The following TENM2 variants were observed in gnomAD, a reference collection of about 807,000 sequenced individuals.
TENM2 encodes teneurin-2.
Under a neutral mutation model 245.2 loss-of-function variants are expected in TENM2, and 52 were observed. The observed-to-expected ratio is 0.21, with a 90% CI of 0.17 to 0.27. The LOEUF (loss-of-function observed/expected upper bound fraction) is 0.27. Ranked by LOEUF, TENM2 falls within the 10% of genes least tolerant of loss-of-function variation. The pLI is 1.00. For missense variants in TENM2, 3,046 were observed against 3,666.8 expected (o/e 0.83, Z 4.37); for synonymous variants, 1,363 against 1,438.9 (o/e 0.95, Z 1.19).
chr5:167,880,997 C>T (rs78640810), intron 3 of TENM2, among the ~76,000 whole-genome samples: 2,402 of 152,278 alleles, frequency 0.016, 59 homozygotes, highest in African/African-American at 0.053. Flanking sequence ...GAATTGACAT[C>T]CTCTCATGAA....
chr5:167,177,297 A>G, the TENM2 span, among the ~76,000 whole-genome samples: 243 of 152,342 alleles, frequency 1.6e-3, no homozygotes, highest in African/African-American at 5.4e-3. Flanking sequence ...TTAGACTACA[A>G]GACAGTCACC....
At chr5:167,391,515 C>G (rs1761749565) in intron 2 of TENM2, among the ~76,000 whole-genome samples, 1 of 150,898 alleles carries the variant, frequency 6.6e-6, no homozygotes, top group Non-Finnish European at 1.5e-5. Context: ...ATCACAGCTA[C>G]TCGAGTGGCT....
At chr5:168,048,375 C>T (rs771835218) in intron 6 of TENM2, among the ~76,000 whole-genome samples, 1 of 152,136 alleles carries the variant, frequency 6.6e-6, no homozygotes, top group Non-Finnish European at 1.5e-5. Flanking sequence ...ATGCAAATTT[C>T]CATTCTGCCT....
Position 168,178,241 on chromosome 5 carries a change from C to A in TENM2, c.2570-12096C>A, listed in dbSNP as rs1172364209. On this transcript the variant is annotated intron_variant, in intron 13 of 28. Coordinates refer to ENST00000518659, the Ensembl canonical transcript of TENM2. Reference sequence around the variant, plus strand: ...ACTGTCTGGCACCAGGCTGCCACCCCCTGCCGGGCCTCGGCTGCACTGGCC... The same window carrying A: ...ACTGTCTGGCACCAGGCTGCCACCCACTGCCGGGCCTCGGCTGCACTGGCC... Among the ~76,000 whole-genome samples, 5 of 152,218 alleles carry A rather than the reference C, an allele frequency of 3.3e-5. No homozygotes were observed. In the South Asian group the frequency reaches 8.3e-4, roughly 25 times the overall value.
the TENM2 span, among the ~76,000 whole-genome samples, chr5:166,994,701 A>G: frequency 1.3e-5 from 2 of 152,180 alleles, no homozygotes; most frequent in Non-Finnish European, 2.9e-5. Context: ...TACTCTAGGA[A>G]CTGAACATCA....
At chr5:167,647,783 G>C (rs528236583) in intron 2 of TENM2, among the ~76,000 whole-genome samples, 1 of 152,226 alleles carries the variant, frequency 6.6e-6, no homozygotes, top group African/African-American at 2.4e-5. Flanking sequence ...TCTGTAGGAG[G>C]TGCTTGTAAG....
chr5:167,582,278 C>A (rs933511476), intron 2 of TENM2, among the ~76,000 whole-genome samples: 9 of 152,104 alleles, frequency 5.9e-5, no homozygotes, highest in African/African-American at 2.2e-4. Flanking sequence ...TAAACATGCA[C>A]AAATAATGTT....
At chr5:167,156,819 G>A in the TENM2 span, among the ~76,000 whole-genome samples, 1 of 152,170 alleles carries the variant, frequency 6.6e-6, no homozygotes, top group Non-Finnish European at 1.5e-5. Context: ...ACTACCAGAA[G>A]TTTGAGTCCA....
the TENM2 span, among the ~76,000 whole-genome samples, chr5:167,149,747 C>G: frequency 6.6e-6 from 1 of 152,302 alleles, no homozygotes; most frequent in African/African-American, 2.4e-5. Flanking sequence ...TCTTCCTTAT[C>G]TCTCCTTCCA....
intron 2 of TENM2, among the ~76,000 whole-genome samples, chr5:167,567,663 T>A (rs1161058469): frequency 6.6e-6 from 1 of 152,124 alleles, no homozygotes; most frequent in Non-Finnish European, 1.5e-5. Context: ...TGACACCAAC[T>A]TGAACACTGG....
chr5:167,735,032 A>G (rs1192294559), intron 2 of TENM2, among the ~76,000 whole-genome samples: 1 of 152,226 alleles, frequency 6.6e-6, no homozygotes, highest in East Asian at 1.9e-4. Flanking sequence ...AACCAGATGC[A>G]TCCATTGTGA....
intron 2 of TENM2, among the ~76,000 whole-genome samples, chr5:167,586,576 T>C (rs1310970509): frequency 6.6e-6 from 1 of 152,254 alleles, no homozygotes; most frequent in African/African-American, 2.4e-5. Context: ...GGGTGTCCTG[T>C]TGAATCCACT....
chr5:167,974,027 GGAA>G (rs1351651523), intron 4 of TENM2, among the ~76,000 whole-genome samples: 1 of 74,854 alleles, frequency 1.3e-5, no homozygotes, highest in Non-Finnish European at 2.2e-5. Flanking sequence ...GAGGGAGGAA[GGAA>G]GGAAGGAGAA....
chr5:166,979,430 G>A, the TENM2 span, among the ~76,000 whole-genome samples: 4 of 152,154 alleles, frequency 2.6e-5, no homozygotes, highest in East Asian at 5.8e-4. Context: ...CGAAGTGAAG[G>A]AATTTTGCTC....
At chr5:167,009,049 C>T in the TENM2 span, among the ~76,000 whole-genome samples, 1 of 152,170 alleles carries the variant, frequency 6.6e-6, no homozygotes, top group Non-Finnish European at 1.5e-5. Context: ...AATAAGCTTC[C>T]ACCAGAAAAC....
intron 2 of TENM2, among the ~76,000 whole-genome samples, chr5:167,557,074 G>C (rs966871958): frequency 1.3e-5 from 2 of 152,104 alleles, no homozygotes; most frequent in South Asian, 4.1e-4. Flanking sequence ...ATCATTTTGA[G>C]AGAGTTTTCT....
intron 9 of TENM2, among the ~76,000 whole-genome samples, chr5:168,100,526 C>A (rs138589086): frequency 0.067 from 10,257 of 152,224 alleles, 767 homozygotes; most frequent in East Asian, 0.32. Flanking sequence ...AAATGTGGCA[C>A]ATATACACCA....
the TENM2 span, among the ~76,000 whole-genome samples, chr5:167,262,893 G>A: frequency 6.6e-6 from 1 of 152,130 alleles, no homozygotes; most frequent in East Asian, 1.9e-4. Context: ...TCTAGGGGCT[G>A]AGAAGTCCAA....
At chr5:167,824,723 A>C (rs1263331152) in intron 2 of TENM2, among the ~76,000 whole-genome samples, 1 of 152,250 alleles carries the variant, frequency 6.6e-6, no homozygotes, top group Non-Finnish European at 1.5e-5. Context: ...TCTGAGACAG[A>C]CAGCCAGCTC....
Sources: allele counts gnomAD v4.1 joint callset (sites outside exome capture counted in the v4.1 genomes callset), GRCh38; gene constraint gnomAD v4.1.1; transcripts MANE v1.5; gene names NCBI Gene and HGNC (gene_info 2026-07-23, HGNC 2026-07-21).